The following GHR variants were observed in gnomAD, a reference collection of about 807,000 sequenced individuals.
GHR encodes the protein GH receptor.
In GHR, 35 loss-of-function variants were observed where a neutral mutation model predicts 67.1. The ratio of observed to expected loss-of-function variants is 0.52; its 90% CI spans 0.40 to 0.69. The LOEUF is 0.69. GHR is among the 30% of genes least tolerant of loss of function. GHR has a pLI of 0.00. For missense variants in GHR, 792 were observed against 764.6 expected, an observed-to-expected ratio of 1.04 and a Z score of -0.42; for synonymous variants, 272 against 269.1, an observed-to-expected ratio of 1.01 and a Z score of -0.10.
At chr5:42,670,402 T>C (rs1756212346) in intron 3 of GHR, among the ~76,000 whole-genome samples, 1 of 152,130 alleles carries the variant, frequency 6.6e-6, no homozygotes, top group African/African-American at 2.4e-5. Flanking sequence ...ACATAAGCCC[T>C]GAAACTATAA....
At chr5:42,439,062 G>GA (rs34757330) in intron 1 of GHR, among the ~76,000 whole-genome samples, 5 of 151,624 alleles carry the variant, frequency 3.3e-5, no homozygotes, top group African/African-American at 9.7e-5. Flanking sequence ...AAACTTTCCA[G>GA]AAAAAAAATG....
In GHR at chr5:42,424,956, T is replaced by C. The variant is rs867112763; in HGVS notation, c.-12+1001T>C. 4.5e-5 allele frequency: 44 copies of C among 979,334 alleles called. No homozygotes were observed. Among genetic ancestry groups the C allele is most frequent in the Non-Finnish European group, 5.1e-5 (42 of 824,580 alleles). The allele number at this position is 979,334 out of a possible 1,614,324, so 60.7% of individuals were successfully genotyped here. On this transcript the variant is annotated intron_variant, in intron 1 of 9. Transcript: ENST00000230882. This position sits in a 1 kb window ranked among gnomAD's most constrained non-coding sequence, Gnocchi z 4.1. Reference sequence around the variant, plus strand: ...GGAGGCGTGTCGGCGCCTGAGCCAGTAGGGTGTGCAGGGTGGAAGAGGCCA... The same window carrying C: ...GGAGGCGTGTCGGCGCCTGAGCCAGCAGGGTGTGCAGGGTGGAAGAGGCCA...
intron 2 of GHR, among the ~76,000 whole-genome samples, chr5:42,586,291 A>G (rs527431613): frequency 6.6e-6 from 1 of 152,300 alleles, no homozygotes; most frequent in East Asian, 1.9e-4. Context: ...AAATATTTAG[A>G]AGAAAAGAAA....
Position 42,716,519 on chromosome 5 carries a change from C to T in GHR, c.876-1533C>T, listed in dbSNP as rs142387648. 1.3e-3 allele frequency among the ~76,000 whole-genome samples: 201 copies of T among 152,222 alleles called. 1 individual carries two copies. The highest frequency in any genetic ancestry group is 4.3e-3 in the African/African-American group (180 of 41,538). On this transcript the variant is annotated intron_variant, in intron 8 of 9. Transcript: ENST00000230882. The stretch of plus-strand genomic sequence containing the variant: ...GGAAATGAATGAAGATGCTTGTGTT[C>T]TCATAAAATTTTATCTACACAAACA...
At chr5:42,648,064 A>G (rs1754832586) in intron 3 of GHR, among the ~76,000 whole-genome samples, 1 of 152,224 alleles carries the variant, frequency 6.6e-6, no homozygotes, top group Admixed American at 6.5e-5. Context: ...GCAACAAGAA[A>G]CATAAAGAAG....
chr5:42,492,329 G>C (rs1466750695), intron 1 of GHR, among the ~76,000 whole-genome samples: 6 of 152,124 alleles, frequency 3.9e-5, no homozygotes, highest in African/African-American at 1.4e-4. Flanking sequence ...ATAAAATATG[G>C]GTGGTATAAA....
chr5:42,717,308 T>TA (rs1194164905), intron 8 of GHR, among the ~76,000 whole-genome samples: 1 of 151,994 alleles, frequency 6.6e-6, no homozygotes, highest in Admixed American at 6.6e-5. Flanking sequence ...CAAAAAGTTT[T>TA]AAAAAAAATT....
At chr5:42,656,275 T>A (rs1334069807) in intron 3 of GHR, among the ~76,000 whole-genome samples, 1 of 152,228 alleles carries the variant, frequency 6.6e-6, no homozygotes, top group Non-Finnish European at 1.5e-5. Context: ...AAACTTTCAT[T>A]TGTTTCCTAT....
At chr5:42,518,033 G>A (rs1295686886) in intron 1 of GHR, among the ~76,000 whole-genome samples, 2 of 151,630 alleles carry the variant, frequency 1.3e-5, no homozygotes, top group African/African-American at 4.8e-5. Context: ...TTATCTATGA[G>A]CTTGAAGTTT....
chr5:42,438,069 G>T (rs1743409861), intron 1 of GHR, among the ~76,000 whole-genome samples: 1 of 152,174 alleles, frequency 6.6e-6, no homozygotes, highest in South Asian at 2.1e-4. Flanking sequence ...AAAGGGCTAT[G>T]TATTCTCTAC....
At chr5:42,443,141 C>CCT (rs1743653518) in intron 1 of GHR, among the ~76,000 whole-genome samples, 1 of 152,198 alleles carries the variant, frequency 6.6e-6, no homozygotes, top group Non-Finnish European at 1.5e-5. Flanking sequence ...TAAAAGGGGA[C>CCT]TGATTGGACT....
chr5:42,546,596 A>T (rs1748741787), intron 1 of GHR, among the ~76,000 whole-genome samples: 1 of 152,238 alleles, frequency 6.6e-6, no homozygotes, highest in Non-Finnish European at 1.5e-5. Flanking sequence ...AAAGTTGGGG[A>T]TAACTAGTAA....
At chr5:42,457,539 G>T (rs1744312419) in intron 1 of GHR, among the ~76,000 whole-genome samples, 1 of 152,118 alleles carries the variant, frequency 6.6e-6, no homozygotes, top group African/African-American at 2.4e-5. Flanking sequence ...GAACACAGAG[G>T]CTCAAAGCAG....
intron 2 of GHR, among the ~76,000 whole-genome samples, chr5:42,568,741 A>T (rs1750096045): frequency 6.6e-6 from 1 of 152,220 alleles, no homozygotes; most frequent in South Asian, 2.1e-4. Context: ...GAGAGCCTGT[A>T]TACCTTTAAA....
rs1757023877 is a variant in GHR, at chr5:42,684,150, G to A, written c.137-4740G>A. Among the ~76,000 whole-genome samples, 3 of 152,194 alleles carry A rather than the reference G, an allele frequency of 2.0e-5. No homozygotes were observed. In the South Asian group the frequency reaches 6.2e-4, roughly 32 times the overall value. On this transcript the variant is annotated intron_variant, in intron 3 of 9. Coordinates refer to ENST00000230882, the MANE Select transcript of GHR (RefSeq NM_000163.5). ...CAAATGCCAAAATTATGTTTTTGTT[G>A]TGTACGTTATTGTTCATAATTATAT...
chr5:42,711,208 T>C lies in GHR; in HGVS notation c.620T>C (p.Met207Thr). ...KEVNETKWKMMDPILTTSVPV... is the reference protein window; with the variant it reads ...KEVNETKWKMTDPILTTSVPV... ...TGCGTTTATATTTTGTCTTGAAAGATGGACCCTATATTGACAACATCAGTT... is the reference window on the plus strand; with the variant it reads ...TGCGTTTATATTTTGTCTTGAAAGACGGACCCTATATTGACAACATCAGTT... The change falls in exon 7 of 10, where the codon ATG (methionine) becomes ACG (threonine). Residue 207 changes from methionine to threonine, a missense_variant and splice_region_variant. Coordinates refer to ENST00000230882, the MANE Select transcript of GHR (RefSeq NM_000163.5). The C allele has an allele frequency of 1.9e-6, 3 of 1,612,138 alleles. No individual in the cohort carries two copies. The highest frequency in any genetic ancestry group is 2.5e-6 in the Non-Finnish European group (3 of 1,178,250).
chr5:42,512,799 C>CTT (rs1554014683), intron 1 of GHR, among the ~76,000 whole-genome samples: 27 of 133,526 alleles, frequency 2.0e-4, no homozygotes, highest in East Asian at 4.0e-4. Context: ...CATTCAGTAA[C>CTT]TTTTTTTTTT....
chr5:42,472,663 A>G (rs1745064261), intron 1 of GHR, among the ~76,000 whole-genome samples: 1 of 152,228 alleles, frequency 6.6e-6, no homozygotes, highest in Admixed American at 6.5e-5. Flanking sequence ...ATGGGTGACT[A>G]AGGCCTATAA....
chr5:42,447,632 CTT>C (rs1743861997), intron 1 of GHR, among the ~76,000 whole-genome samples: 1 of 151,734 alleles, frequency 6.6e-6, no homozygotes, highest in African/African-American at 2.4e-5. Context: ...ATCTCTCTCT[CTT>C]TCCTTTCTTC....
Sources: allele counts gnomAD v4.1 joint callset (sites outside exome capture counted in the v4.1 genomes callset), GRCh38; gene constraint gnomAD v4.1.1; non-coding constraint Gnocchi (gnomAD v3.1); transcripts MANE v1.5; gene names NCBI Gene and HGNC (gene_info 2026-07-23, HGNC 2026-07-21).